The following AGBL2 variants were observed in gnomAD, a reference collection of about 807,000 sequenced individuals.
AGBL2 encodes the protein cytosolic carboxypeptidase 2.
AGBL2 carries 87 observed loss-of-function variants against 103.0 expected under a neutral mutation model. The ratio of observed to expected loss-of-function variants is 0.84; its 90% confidence interval spans 0.71 to 1.01. The LOEUF (loss-of-function observed/expected upper bound fraction) is 1.01, where lower values mean the gene tolerates loss of function less well. Ranked by LOEUF, AGBL2 falls within the 50% of genes least tolerant of loss-of-function variation. The pLI is 0.00. For missense variants in AGBL2, 904 were observed against 1,023.5 expected, an observed-to-expected ratio of 0.88 and a Z score of 1.59; for synonymous variants, 335 against 356.7, an observed-to-expected ratio of 0.94 and a Z score of 0.69.
chr11:47,710,317 A>G (rs2097533152), intron 4 of AGBL2, 60 bp downstream of exon 4: 1 of 1,608,656 alleles, frequency 6.2e-7, no homozygotes. Context: ...TCTTCTGAAT[A>G]CTCAGAGGAG....
At chr11:47,669,249 G>A (rs749905326) in intron 14 of AGBL2, among the ~76,000 whole-genome samples, 5 of 152,100 alleles carry the variant, frequency 3.3e-5, no homozygotes, top group African/African-American at 1.2e-4. Context: ...TAAAATTCTT[G>A]TAGTCACAGG....
intron 10 of AGBL2, 35 bp downstream of exon 10, chr11:47,690,041 C>A (rs1381394679): frequency 4.5e-6 from 7 of 1,550,202 alleles, no homozygotes; most frequent in Non-Finnish European, 6.1e-6. Flanking sequence ...GGACTCATAG[C>A]AGTCACAGAA....
In AGBL2 at chr11:47,667,645, T is replaced by G; in HGVS notation, c.2266A>C (p.Thr756Pro). The G allele has an allele frequency of 1.2e-6, 2 of 1,613,758 alleles. No individual in the cohort carries two copies. Among genetic ancestry groups the G allele is most frequent in the Non-Finnish European group, 1.7e-6 (2 of 1,179,912 alleles). Residue 756 changes from threonine to proline, a missense_variant, in exon 16 of 19, where the codon ACT becomes CCT. Transcript: ENST00000525123. The stretch of plus-strand genomic sequence containing the variant: ...TACTGCTCATTTCGCTGTTTCCTAG[T>G]CTGAAGTGACTTCTTTTTTTTCTTC... ...FKKKKKKSLQ[T>P]RKQRNEQYQK...
chr11:47,698,514 GT>G (rs1411048622), intron 8 of AGBL2, among the ~76,000 whole-genome samples: 1 of 152,108 alleles, frequency 6.6e-6, no homozygotes, highest in Non-Finnish European at 1.5e-5. Context: ...CTTGCTTTGG[GT>G]TTAGTTGGCT....
intron 8 of AGBL2, among the ~76,000 whole-genome samples, chr11:47,697,543 T>A (rs2097480398): frequency 1.1e-4 from 2 of 18,336 alleles, no homozygotes; most frequent in Non-Finnish European, 3.0e-4. Flanking sequence ...AAGCCTACTT[T>A]TTTTTTTTTT....
At position 47,690,850 on chromosome 11, in the gene AGBL2, T is replaced by C. The variant is rs1356997444; in HGVS notation, c.857A>G (p.Tyr286Cys). 4 of 1,608,416 alleles carry C rather than the reference T, an allele frequency of 2.5e-6. No individual in the cohort carries two copies. Among genetic ancestry groups the C allele is most frequent in the African/African-American group, 1.3e-5 (1 of 74,898 alleles). Residue 286 changes from tyrosine to cysteine, a missense_variant, in exon 10 of 19, where the codon TAT (tyrosine) becomes TGT (cysteine). Coordinates refer to ENST00000525123, the MANE Select transcript of AGBL2 (RefSeq NM_024783.4). ...NLQKAVRVDT[Y>C]EYELTLRTDL... ...AGTTCGCAAGGTGAGTTCATACTCATAGGTGTCTCTGTAATGGAGAAAATA... is the reference window on the plus strand; with the variant it reads ...AGTTCGCAAGGTGAGTTCATACTCACAGGTGTCTCTGTAATGGAGAAAATA...
chr11:47,678,343 A>ATTTTTTTTTTTTTTT (rs1440515781), intron 13 of AGBL2, among the ~76,000 whole-genome samples: 15 of 116,846 alleles, frequency 1.3e-4, no homozygotes, highest in South Asian at 1.1e-3. Flanking sequence ...TTATTATTTT[A>ATTTTTTTTTTTTTTT]TTTTTTTTGA....
At chr11:47,686,930 G>C (rs1458816114) in intron 10 of AGBL2, among the ~76,000 whole-genome samples, 1 of 127,520 alleles carries the variant, frequency 7.8e-6, no homozygotes, top group East Asian at 2.5e-4. Context: ...TTGCATTCTA[G>C]CCTGGGCATC....
intron 14 of AGBL2, among the ~76,000 whole-genome samples, chr11:47,676,209 T>C (rs555731094): frequency 2.2e-4 from 34 of 152,234 alleles, no homozygotes; most frequent in Admixed American, 1.9e-3. Context: ...CTTTCCCATC[T>C]CAGCTAAAGG....
At chr11:47,698,920 T>C (rs2097487245) in intron 8 of AGBL2, among the ~76,000 whole-genome samples, 3 of 143,874 alleles carry the variant, frequency 2.1e-5, no homozygotes, top group African/African-American at 7.8e-5. Context: ...CTGGGGAATC[T>C]AACAGGTACC....
At position 47,714,663 on chromosome 11, in the gene AGBL2, T is replaced by C. The variant is rs2097545120; in HGVS notation, c.-13A>G. The C allele has an allele frequency of 1.2e-6, 2 of 1,613,778 alleles. No homozygotes were observed. The highest frequency in any genetic ancestry group is 2.2e-5 in the East Asian group (1 of 44,882). On this transcript the variant is annotated 5_prime_UTR_variant, in exon 2 of 19. Transcript: ENST00000525123. ...AAGCTGGGAACATGTTACTTCTGGA[T>C]GGTAGGCTGAAAACTAGTCAGTGAC... is the stretch of plus-strand genomic sequence containing the variant.
At chr11:47,692,650 G>A (rs1485345001) in intron 8 of AGBL2, among the ~76,000 whole-genome samples, 1 of 151,372 alleles carries the variant, frequency 6.6e-6, no homozygotes, top group Non-Finnish European at 1.5e-5. Flanking sequence ...CTGACCTTGT[G>A]ATCTGCCCGT....
chr11:47,667,523 G>A (rs2097344527), intron 16 of AGBL2, 48 bp downstream of exon 16: 3 of 1,600,240 alleles, frequency 1.9e-6, no homozygotes, highest in Non-Finnish European at 2.6e-6. Context: ...TCCCTCTATG[G>A]AATGGTCTGA....
chr11:47,695,582 C>T (rs549233238), intron 8 of AGBL2, among the ~76,000 whole-genome samples: 26 of 151,356 alleles, frequency 1.7e-4, no homozygotes, highest in African/African-American at 6.1e-4. Flanking sequence ...TGAGACCAGC[C>T]TGGGCAGCGG....
At chr11:47,694,103 C>T (rs535427105) in intron 8 of AGBL2, among the ~76,000 whole-genome samples, 12 of 152,126 alleles carry the variant, frequency 7.9e-5, no homozygotes, top group South Asian at 4.1e-4. Flanking sequence ...GATGCTGAGG[C>T]GGCAGGATTG....
In AGBL2 at chr11:47,714,713, C is replaced by A; in HGVS notation, c.-63G>T. The A allele has an allele frequency of 2.0e-6, 3 of 1,520,564 alleles. No homozygotes were observed. Among genetic ancestry groups the A allele is most frequent in the South Asian group, 2.2e-5 (2 of 89,096 alleles). 94.2% of individuals were successfully genotyped at this position (1,520,564 alleles called of 1,614,324 possible). A position where few individuals can be genotyped will look rare whatever the true frequency, so the allele number is the denominator to read the frequency against. On this transcript the variant is annotated 5_prime_UTR_variant, in exon 2 of 19. Coordinates refer to ENST00000525123, the MANE Select transcript of AGBL2 (RefSeq NM_024783.4). ...CATTAGCATCCAGTCGCAAACCCTG[C>A]CCAATTTCCAAATAGGCAGCTGATT...
intron 13 of AGBL2, among the ~76,000 whole-genome samples, chr11:47,679,651 CTT>C (rs1177330827): frequency 1.7e-4 from 24 of 142,354 alleles, no homozygotes; most frequent in Non-Finnish European, 1.4e-4. Flanking sequence ...CATCACATTT[CTT>C]TTTTTTTTTT....
At chr11:47,689,873 T>G (rs1407533388) in intron 10 of AGBL2, among the ~76,000 whole-genome samples, 1 of 152,102 alleles carries the variant, frequency 6.6e-6, no homozygotes, top group Non-Finnish European at 1.5e-5. Flanking sequence ...GCATGTCCAG[T>G]TTCAACCCAA....
intron 4 of AGBL2, among the ~76,000 whole-genome samples, chr11:47,707,861 T>A (rs1452549692): frequency 2.6e-5 from 4 of 152,200 alleles, no homozygotes; most frequent in African/African-American, 9.6e-5. Context: ...TTATTGACTA[T>A]GTTTTTCCAT....
Sources: gnomAD v4.1 joint callset for allele counts (sites outside exome capture counted in the v4.1 genomes callset) on GRCh38, gnomAD v4.1.1 for gene constraint, MANE v1.5 for transcripts, NCBI Gene and HGNC (gene_info 2026-07-23, HGNC 2026-07-21) for gene names.